N4BP2: variants seen among roughly 807,000 people sequenced by gnomAD.
N4BP2 encodes the protein NEDD4-binding protein 2.
In N4BP2, 91 loss-of-function variants were observed where a neutral mutation model predicts 152.8. The observed-to-expected ratio is 0.60, with a 90% CI of 0.50 to 0.71. The LOEUF (loss-of-function observed/expected upper bound fraction) is 0.71. Ranked by LOEUF, N4BP2 falls within the 30% of genes least tolerant of loss-of-function variation. The pLI is 0.00. For synonymous variants in N4BP2, 646 were observed against 705.3 expected (o/e 0.92, Z 1.33); for missense variants, 1,923 against 2,059.1 (o/e 0.93, Z 1.28).
At chr4:40,084,762 T>A (rs1221290136) in intron 2 of N4BP2, among the ~76,000 whole-genome samples, 2 of 151,142 alleles carry the variant, frequency 1.3e-5, no homozygotes, top group African/African-American at 2.4e-5. Flanking sequence ...CCTGAGTAGC[T>A]GGGCCACCAT....
chr4:40,131,741 G>A, intron 12 of N4BP2, 60 bp from the exon 13 acceptor site: 1 of 1,225,786 alleles, frequency 8.2e-7, no homozygotes, highest in Non-Finnish European at 1.2e-6. Context: ...CATGCCTTTG[G>A]TCAGTGTTTC....
intron 12 of N4BP2, among the ~76,000 whole-genome samples, chr4:40,127,229 A>G (rs1417364722): frequency 6.7e-6 from 1 of 149,148 alleles, no homozygotes; most frequent in Non-Finnish European, 1.5e-5. Flanking sequence ...TTTTAATTTT[A>G]TTTGTTTGAA....
chr4:40,105,512 A>G (rs1342157769), intron 4 of N4BP2, among the ~76,000 whole-genome samples: 4 of 149,658 alleles, frequency 2.7e-5, no homozygotes, highest in Non-Finnish European at 5.9e-5. Context: ...TTTAGTAGAG[A>G]CAGGGTTTCA....
chr4:40,084,434 A>T (rs796502421), intron 2 of N4BP2, among the ~76,000 whole-genome samples: 3 of 141,408 alleles, frequency 2.1e-5, no homozygotes, highest in African/African-American at 7.8e-5. Flanking sequence ...CTGGTTTGAG[A>T]TTTTTTTTTT....
At chr4:40,081,282 C>A (rs982796206) in intron 2 of N4BP2, among the ~76,000 whole-genome samples, 1 of 152,080 alleles carries the variant, frequency 6.6e-6, no homozygotes, top group African/African-American at 2.4e-5. Context: ...AAGTCAGTCC[C>A]TTTTGTGTGT....
chr4:40,077,373 C>T (rs1712855129), intron 2 of N4BP2, among the ~76,000 whole-genome samples: 1 of 151,642 alleles, frequency 6.6e-6, no homozygotes, highest in Non-Finnish European at 1.5e-5. Context: ...ATCTTGAACT[C>T]CCAACCTCAA....
intron 4 of N4BP2, among the ~76,000 whole-genome samples, chr4:40,104,480 C>T (rs571679836): frequency 7.2e-5 from 11 of 151,922 alleles, no homozygotes; most frequent in Non-Finnish European, 1.5e-4. Flanking sequence ...TCTGCTGATA[C>T]ACTTATAAGC....
At chr4:40,057,975 G>T (rs1451703618) in intron 1 of N4BP2, among the ~76,000 whole-genome samples, 2 of 152,128 alleles carry the variant, frequency 1.3e-5, no homozygotes, top group Non-Finnish European at 1.5e-5. Flanking sequence ...TTGAAGGCAG[G>T]ATTGGCTGCT....
At chr4:40,091,946 C>T (rs561891990) in intron 2 of N4BP2, among the ~76,000 whole-genome samples, 28 of 125,078 alleles carry the variant, frequency 2.2e-4, no homozygotes, top group African/African-American at 8.3e-4. Context: ...ATATCCACTG[C>T]ACTCCAGCCT....
At chr4:40,069,208 C>T (rs754345123) in intron 1 of N4BP2, among the ~76,000 whole-genome samples, 1 of 151,992 alleles carries the variant, frequency 6.6e-6, no homozygotes, top group Non-Finnish European at 1.5e-5. Flanking sequence ...GAGGCCGAGG[C>T]GGGCACATCA....
At chr4:40,101,399 A>G (rs1312116652) in intron 3 of N4BP2, among the ~76,000 whole-genome samples, 2 of 152,142 alleles carry the variant, frequency 1.3e-5, no homozygotes, top group Admixed American at 6.5e-5. Flanking sequence ...ACCTCAGGTG[A>G]TCCACCCGCC....
At chr4:40,169,584 A>G in the N4BP2 span, among the ~76,000 whole-genome samples, 1 of 151,730 alleles carries the variant, frequency 6.6e-6, no homozygotes, top group Non-Finnish European at 1.5e-5. Context: ...GGGAAACTCG[A>G]CATAACCAAA....
rs1717975301 is a variant in N4BP2, at chr4:40,122,003, G to A, written c.3892G>A (p.Glu1298Lys). The change falls in exon 9 of 18, where the codon GAA becomes AAA. Residue 1298 changes from glutamate (E) to lysine (K), a missense_variant. Transcript: ENST00000261435. The stretch of plus-strand genomic sequence containing the variant: ...CTTTGTATCTAGTACTTCAAATCTT[G>A]AATTAAATGAAGAAATTTATTTTAC... ...FNFVSSTSNL[E>K]LNEEIYFTDS... 1 of 1,540,010 alleles carries A rather than the reference G, an allele frequency of 6.5e-7. No individual in the cohort carries two copies. Among genetic ancestry groups the A allele is most frequent in the Non-Finnish European group, 8.8e-7 (1 of 1,138,794 alleles).
chr4:40,068,687 C>A (rs1411348394), intron 1 of N4BP2, among the ~76,000 whole-genome samples: 1 of 152,174 alleles, frequency 6.6e-6, no homozygotes, highest in Non-Finnish European at 1.5e-5. Flanking sequence ...TATCTTTAAG[C>A]CCTACCATAC....
the N4BP2 span, among the ~76,000 whole-genome samples, chr4:40,176,454 GATTAGATC>G: frequency 6.6e-6 from 1 of 151,988 alleles, no homozygotes. Flanking sequence ...CCCTTTCTTT[GATTAGATC>G]ATTGTTCATC....
intron 14 of N4BP2, among the ~76,000 whole-genome samples, chr4:40,138,560 C>G (rs1719620990): frequency 6.6e-6 from 1 of 152,130 alleles, no homozygotes; most frequent in Non-Finnish European, 1.5e-5. Context: ...GTCTTTAATC[C>G]ATTTTGAGTT....
the N4BP2 span, among the ~76,000 whole-genome samples, chr4:40,182,553 C>T: frequency 9.9e-5 from 15 of 152,056 alleles, no homozygotes; most frequent in Admixed American, 5.2e-4. Flanking sequence ...CAGGCTCAAG[C>T]GATCCTCCCA....
At chr4:40,091,121 A>C (rs1714500074) in intron 2 of N4BP2, among the ~76,000 whole-genome samples, 2 of 150,392 alleles carry the variant, frequency 1.3e-5, no homozygotes, top group Admixed American at 6.7e-5. Context: ...TGTATCTTGC[A>C]CCCTTGTTAA....
At chr4:40,142,639 CTG>C in intron 14 of N4BP2, 32 bp from the exon 15 acceptor site, 2 of 1,469,178 alleles carry the variant, frequency 1.4e-6, no homozygotes, top group Non-Finnish European at 9.3e-7. Flanking sequence ...TTTTAACTTT[CTG>C]TGTGTGTTAC....
Sources: gnomAD v4.1 joint callset for allele counts (sites outside exome capture counted in the v4.1 genomes callset) on GRCh38, gnomAD v4.1.1 for gene constraint, MANE v1.5 for transcripts, NCBI Gene and HGNC (gene_info 2026-07-23, HGNC 2026-07-21) for gene names.